The following GABBR2 variants were observed in gnomAD, a reference collection of about 807,000 sequenced individuals.
GABBR2 encodes G-protein coupled receptor 51.
A neutral mutation model predicts 105.6 loss-of-function variants in GABBR2; 23 were observed. The ratio of observed to expected loss-of-function variants is 0.22; its 90% CI spans 0.16 to 0.31. The LOEUF is 0.31. Ranked by LOEUF, GABBR2 falls within the 10% of genes least tolerant of loss-of-function variation. GABBR2 has a pLI of 1.00. For synonymous variants in GABBR2, 478 were observed against 499.7 expected, an observed-to-expected ratio of 0.96 and a Z score of 0.58; for missense variants, 734 against 1,245.5, an observed-to-expected ratio of 0.59 and a Z score of 6.18.
At chr9:98,368,242 C>T (rs1009006799) in intron 12 of GABBR2, among the ~76,000 whole-genome samples, 5 of 151,420 alleles carry the variant, frequency 3.3e-5, no homozygotes, top group African/African-American at 1.2e-4. Flanking sequence ...TGTTTTAATC[C>T]CCACTGTCTC....
intron 1 of GABBR2, among the ~76,000 whole-genome samples, chr9:98,656,615 C>T (rs1264262542): frequency 1.3e-5 from 2 of 152,146 alleles, no homozygotes; most frequent in South Asian, 2.1e-4. Context: ...ATAATTACCC[C>T]GTATGTTGCT....
intron 6 of GABBR2, among the ~76,000 whole-genome samples, chr9:98,470,518 TC>T (rs1465731480): frequency 1.3e-5 from 2 of 152,080 alleles, no homozygotes; most frequent in African/African-American, 4.8e-5. Flanking sequence ...TCCCACCGGG[TC>T]CCTCCCACAA....
At chr9:98,510,246 G>T (rs1827608997) in intron 3 of GABBR2, among the ~76,000 whole-genome samples, 1 of 152,186 alleles carries the variant, frequency 6.6e-6, no homozygotes, top group South Asian at 2.1e-4. Context: ...CACCAGGCCT[G>T]CCCTAAAAGA....
chr9:98,508,863 A>T (rs1230661772), intron 3 of GABBR2, among the ~76,000 whole-genome samples: 1 of 152,154 alleles, frequency 6.6e-6, no homozygotes, highest in Non-Finnish European at 1.5e-5. Flanking sequence ...ACAAACAAAA[A>T]GACAGCAGTA....
rs1182840615 is a variant in GABBR2, at chr9:98,290,739, G to A, written c.2671C>T (p.Arg891Trp). The change falls in exon 19 of 19, where the codon CGG becomes TGG. Residue 891 changes from arginine (R) to tryptophan (W), a missense_variant. Physicochemically the swap from Arg to Trp is moderately radical, Grantham distance 101 (BLOSUM62 -3). Transcript: ENST00000259455. ...AGGATGGGGAGCTGGAGGGACAGCC[G>A]ACGCTGGATGCTGAAGAGAAGGAGA... ...DINSPEHIQRRLSLQLPILHH... is the reference protein window; with the variant it reads ...DINSPEHIQRWLSLQLPILHH... 1.3e-6 allele frequency: 2 copies of A among 1,484,632 alleles called. No individual in the cohort carries two copies. The highest frequency in any genetic ancestry group is 1.8e-6 in the Non-Finnish European group (2 of 1,128,520). 92.0% of individuals were successfully genotyped at this position (1,484,632 alleles called of 1,614,324 possible).
chr9:98,386,059 T>C (rs567044890), intron 10 of GABBR2, among the ~76,000 whole-genome samples: 17 of 152,316 alleles, frequency 1.1e-4, no homozygotes, highest in African/African-American at 3.8e-4. Flanking sequence ...CTGTTTGTCC[T>C]TCACTAAAAG....
chr9:98,453,569 T>C (rs577086238), intron 7 of GABBR2, among the ~76,000 whole-genome samples: 7 of 152,348 alleles, frequency 4.6e-5, no homozygotes, highest in African/African-American at 1.7e-4. Flanking sequence ...ATTGTTTATA[T>C]TCAATGACAA....
intron 1 of GABBR2, among the ~76,000 whole-genome samples, chr9:98,684,007 C>CAAAAAAAAAA (rs367642589): frequency 2.8e-5 from 3 of 105,920 alleles, no homozygotes; most frequent in East Asian, 5.4e-4. Flanking sequence ...GACTCCATCT[C>CAAAAAAAAAA]AAAAAAAAAA....
chr9:98,601,863 G>T (rs1482822023), intron 1 of GABBR2, among the ~76,000 whole-genome samples: 1 of 152,210 alleles, frequency 6.6e-6, no homozygotes, highest in Non-Finnish European at 1.5e-5. Flanking sequence ...ATGCAAGTGT[G>T]GGGTAGTGGA....
intron 1 of GABBR2, among the ~76,000 whole-genome samples, chr9:98,632,471 G>A (rs1405904740): frequency 6.6e-6 from 1 of 152,134 alleles, no homozygotes; most frequent in Non-Finnish European, 1.5e-5. Context: ...CCCTCCTCCT[G>A]GACCTGAGCA....
At chr9:98,407,444 C>G (rs1313446652) in intron 7 of GABBR2, among the ~76,000 whole-genome samples, 2 of 152,106 alleles carry the variant, frequency 1.3e-5, no homozygotes, top group Admixed American at 1.3e-4. Context: ...TAATGCCCAC[C>G]GAATTCTATA....
intron 7 of GABBR2, among the ~76,000 whole-genome samples, chr9:98,434,899 G>T (rs1825874253): frequency 6.6e-6 from 1 of 152,218 alleles, no homozygotes; most frequent in African/African-American, 2.4e-5. Context: ...GAATTGTGGG[G>T]AGTGGGTCTT....
intron 13 of GABBR2, among the ~76,000 whole-genome samples, chr9:98,313,100 C>T: frequency 6.6e-6 from 1 of 152,174 alleles, no homozygotes; most frequent in Non-Finnish European, 1.5e-5. Context: ...CTATCTTATT[C>T]ATGTTGATGC....
At chr9:98,650,873 C>T (rs185403129) in intron 1 of GABBR2, among the ~76,000 whole-genome samples, 4 of 152,194 alleles carry the variant, frequency 2.6e-5, no homozygotes, top group African/African-American at 7.2e-5. Flanking sequence ...CATTCAAATT[C>T]GTAGGGACAG....
At chr9:98,659,694 T>C (rs2131852040) in intron 1 of GABBR2, among the ~76,000 whole-genome samples, 1 of 152,156 alleles carries the variant, frequency 6.6e-6, no homozygotes, top group Admixed American at 6.5e-5. Context: ...CTAACTTTTG[T>C]ATTTTTAGTA....
intron 1 of GABBR2, chr9:98,607,358 T>C (rs1176388555): frequency 1.4e-6 from 1 of 723,270 alleles, no homozygotes; most frequent in Non-Finnish European, 2.5e-6. Context: ...CCATTGAATA[T>C]TGAGTTTATG....
chr9:98,494,175 G>A (rs944019684), intron 4 of GABBR2, among the ~76,000 whole-genome samples: 5 of 152,180 alleles, frequency 3.3e-5, no homozygotes, highest in Non-Finnish European at 5.9e-5. Context: ...CTAAGCCTTC[G>A]AGAGAGTACA....
chr9:98,658,460 C>A (rs751395028), intron 1 of GABBR2, among the ~76,000 whole-genome samples: 1 of 152,074 alleles, frequency 6.6e-6, no homozygotes, highest in Non-Finnish European at 1.5e-5. Flanking sequence ...CTCAAGTAAC[C>A]GACTAGCTTT....
At chr9:98,293,946 G>A (rs919952736) in intron 17 of GABBR2, 44 bp from the exon 18 acceptor site, 1 of 1,210,152 alleles carries the variant, frequency 8.3e-7, no homozygotes, top group Non-Finnish European at 1.2e-6. Context: ...GGTTAACTTA[G>A]TTTTTAAAAA....
Sources: allele counts gnomAD v4.1 joint callset (sites outside exome capture counted in the v4.1 genomes callset), GRCh38; gene constraint gnomAD v4.1.1; transcripts MANE v1.5; gene names NCBI Gene and HGNC (gene_info 2026-07-23, HGNC 2026-07-21).